Variants in CUBN observed in about 807,000 individuals in gnomAD.
The protein encoded by CUBN is 460 kDa receptor.
A neutral mutation model predicts 405.3 loss-of-function variants in CUBN; 282 were observed. That is an observed-to-expected ratio of 0.70 (90% CI 0.63 to 0.77). CUBN has a LOEUF of 0.77. Ranked by LOEUF, CUBN falls within the 30% of genes least tolerant of loss-of-function variation. The probability of loss-of-function intolerance (pLI) is 0.00; values close to 1 mark genes in which losing one functional copy is unlikely to be tolerated. For missense variants in CUBN, 4,514 were observed against 4,475.2 expected (o/e 1.01, Z -0.25); for synonymous variants, 1,684 against 1,617.0 (o/e 1.04, Z -0.99).
At position 17,087,466 on chromosome 10, in the gene CUBN, C is replaced by T. The variant is rs370580287; in HGVS notation, c.1947+698G>A. On this transcript the variant is annotated intron_variant, in intron 15 of 66. Transcript: ENST00000377833. ...GTTCAACACAATCACTATTATTTTT[C>T]TTTTTCTTTTTTTTTTTTTTTTTTT... 6.5e-3 allele frequency among the ~76,000 whole-genome samples: 516 copies of T among 79,562 alleles called. 3 individuals are homozygous for T. The highest frequency in any genetic ancestry group is 0.011 in the East Asian group (30 of 2,610). 52.2% of individuals were successfully genotyped at this position (79,562 alleles called of 152,430 possible). A position where few individuals can be genotyped will look rare whatever the true frequency, so the allele number is the denominator to read the frequency against.
intron 14 of CUBN, 136 bp downstream of exon 14, chr10:17,099,869 A>G (rs1300900231): frequency 3.1e-6 from 1 of 327,762 alleles, no homozygotes; most frequent in Non-Finnish European, 5.4e-6. Flanking sequence ...ATAAATGAAT[A>G]AAATAAAATA....
intron 54 of CUBN, 90 bp from the exon 55 acceptor site, chr10:16,890,617 G>A (rs886786189): frequency 1.2e-4 from 153 of 1,236,942 alleles, no homozygotes; most frequent in Admixed American, 4.9e-4. Context: ...GCACTCACAC[G>A]TATACAGAAC....
chr10:16,992,093 G>A (rs1188174183), intron 28 of CUBN, among the ~76,000 whole-genome samples: 1 of 152,186 alleles, frequency 6.6e-6, no homozygotes, highest in Admixed American at 6.5e-5. Flanking sequence ...CCTTTTTAGG[G>A]ACATGGATGA....
At chr10:17,084,897 G>A (rs967849703) in intron 16 of CUBN, among the ~76,000 whole-genome samples, 3 of 152,138 alleles carry the variant, frequency 2.0e-5, no homozygotes, top group African/African-American at 7.2e-5. Context: ...AATTGAAAGG[G>A]GAACAGGAGG....
chr10:16,935,646 G>A (rs1271809968), intron 39 of CUBN, among the ~76,000 whole-genome samples: 2 of 151,988 alleles, frequency 1.3e-5, no homozygotes, highest in Non-Finnish European at 2.9e-5. Flanking sequence ...TTGGGAGGCC[G>A]AGGTGGGCAG....
intron 28 of CUBN, among the ~76,000 whole-genome samples, chr10:17,002,232 T>C (rs1437045969): frequency 1.3e-5 from 2 of 152,126 alleles, no homozygotes; most frequent in Admixed American, 6.5e-5. Context: ...GCTATGATAT[T>C]TGAAACTGAA....
intron 33 of CUBN, among the ~76,000 whole-genome samples, chr10:16,950,800 T>C (rs1842904412): frequency 6.6e-6 from 1 of 152,194 alleles, no homozygotes; most frequent in Non-Finnish European, 1.5e-5. Flanking sequence ...ATGCCGTCTT[T>C]CCAGTTTTTA....
chr10:16,926,416 T>C (rs974024024), intron 41 of CUBN, among the ~76,000 whole-genome samples: 2 of 152,160 alleles, frequency 1.3e-5, no homozygotes, highest in Non-Finnish European at 2.9e-5. Flanking sequence ...CAGAATGGCA[T>C]GATCTCACTT....
chr10:16,986,981 G>A (rs1833445316), intron 29 of CUBN, among the ~76,000 whole-genome samples: 1 of 152,164 alleles, frequency 6.6e-6, no homozygotes, highest in Non-Finnish European at 1.5e-5. Context: ...GCCTCTAGAA[G>A]AATAAACACT....
At chr10:17,019,715 T>C in intron 28 of CUBN, 118 bp downstream of exon 28, 3 of 1,212,128 alleles carry the variant, frequency 2.5e-6, no homozygotes, top group Non-Finnish European at 3.7e-6. Context: ...TTGCATGAGA[T>C]TACTACCTGG....
chr10:17,092,330 T>A (rs2131287450), intron 14 of CUBN, among the ~76,000 whole-genome samples: 1 of 152,194 alleles, frequency 6.6e-6, no homozygotes, highest in Middle Eastern at 3.4e-3. Context: ...GGATTAAAGG[T>A]CCCCTTGTAA....
intron 58 of CUBN, among the ~76,000 whole-genome samples, 189 bp downstream of exon 58, chr10:16,874,185 C>T (rs1176257827): frequency 6.6e-6 from 1 of 152,152 alleles, no homozygotes. Flanking sequence ...CCCTTAGTTA[C>T]TACCGGCTTG....
At chr10:16,888,273 CTAAG>C (rs1468834315) in intron 56 of CUBN, 140 bp downstream of exon 56, 21 of 687,314 alleles carry the variant, frequency 3.1e-5, no homozygotes, top group Non-Finnish European at 5.0e-5. Context: ...ACAAAAAGTG[CTAAG>C]TAAGTGAGTG....
chr10:16,928,571 G>A (rs1281965325), intron 40 of CUBN, among the ~76,000 whole-genome samples: 1 of 122,906 alleles, frequency 8.1e-6, no homozygotes, highest in African/African-American at 3.1e-5. Flanking sequence ...CCTCTGTTGC[G>A]CAGGCTGGAG....
At chr10:16,965,187 T>C (rs561017928) in intron 31 of CUBN, among the ~76,000 whole-genome samples, 50 of 152,296 alleles carry the variant, frequency 3.3e-4, no homozygotes, top group African/African-American at 1.2e-3. Flanking sequence ...CCTCATTACA[T>C]CTTGCCTAGG....
Position 16,916,019 on chromosome 10 carries a change from C to T in CUBN, c.7012G>A (p.Gly2338Arg). The T allele has an allele frequency of 6.2e-7, 1 of 1,613,754 alleles. No individual in the cohort carries two copies. The highest frequency in any genetic ancestry group is 8.5e-7 in the Non-Finnish European group (1 of 1,179,854). ...KAKYSIAQCGGRVPGQSGVVE... is the reference protein window; with the variant it reads ...KAKYSIAQCGRRVPGQSGVVE... ...ACACCACTTTGCCCTGGTACTCTTC[C>T]CCCACACTGAGCTGCAAAAAATAAA... Residue 2338 changes from glycine to arginine, a missense_variant, in exon 46 of 67, where the codon GGA becomes AGA. Coordinates refer to ENST00000377833, the MANE Select transcript of CUBN (RefSeq NM_001081.4).
At chr10:17,106,144 G>T (rs984655039) in intron 10 of CUBN, among the ~76,000 whole-genome samples, 1 of 151,898 alleles carries the variant, frequency 6.6e-6, no homozygotes, top group Non-Finnish European at 1.5e-5. Context: ...AATTAGCCAG[G>T]CATGGTGGCA....
intron 59 of CUBN, among the ~76,000 whole-genome samples, chr10:16,861,217 A>G (rs1439766441): frequency 6.6e-6 from 1 of 150,578 alleles, no homozygotes; most frequent in Non-Finnish European, 1.5e-5. Flanking sequence ...GCTGGAGTGC[A>G]GTGCTGTGAT....
chr10:16,894,412 A>G (rs1564408368), intron 54 of CUBN, among the ~76,000 whole-genome samples: 2 of 151,894 alleles, frequency 1.3e-5, no homozygotes, highest in Admixed American at 6.6e-5. Context: ...TGAGATTCAT[A>G]TTTTTTGCCT....
Sources: gnomAD v4.1 joint callset for allele counts (sites outside exome capture counted in the v4.1 genomes callset) on GRCh38, gnomAD v4.1.1 for gene constraint, MANE v1.5 for transcripts, NCBI Gene and HGNC (gene_info 2026-07-23, HGNC 2026-07-21) for gene names.